The following C9orf43 variants were observed in gnomAD, a reference collection of about 807,000 sequenced individuals.
C9orf43 encodes chromosome 9 open reading frame 43.
C9orf43 carries 45 observed loss-of-function variants against 59.1 expected under a neutral mutation model. That is an observed-to-expected ratio of 0.76 (90% CI 0.60 to 0.98). The LOEUF is 0.98. Ranked by LOEUF, C9orf43 falls within the 50% of genes least tolerant of loss-of-function variation. The pLI, the probability that C9orf43 is intolerant of heterozygous loss-of-function variation, is 0.00. For synonymous variants in C9orf43, 203 were observed against 196.8 expected, an observed-to-expected ratio of 1.03 and a Z score of -0.26; for missense variants, 533 against 554.9, an observed-to-expected ratio of 0.96 and a Z score of 0.40.
At position 113,419,232 on chromosome 9, in the gene C9orf43, G is replaced by A. The variant is rs1229669508; in HGVS notation, c.345+67G>A. 7.3e-6 allele frequency: 9 copies of A among 1,232,254 alleles called. No homozygotes were observed. In the African/African-American group the frequency reaches 1.4e-4, roughly 19 times the overall value. 76.3% of individuals were successfully genotyped at this position (1,232,254 alleles called of 1,614,324 possible). ...TTTACTAGTGGAAATAAACTATTCT[G>A]CCTTTATTTGAAATTATTCCTCAGG... On this transcript the variant is annotated intron_variant, in intron 4 of 13. Transcript: ENST00000374165.
At chr9:113,424,948 T>C in intron 8 of C9orf43, 71 bp from the exon 9 acceptor site, 1 of 1,344,096 alleles carries the variant, frequency 7.4e-7, no homozygotes, top group Non-Finnish European at 1.0e-6. Flanking sequence ...AATAAACGCA[T>C]TTGGGGGATA....
At chr9:113,414,719 C>T (rs1036000144) in intron 3 of C9orf43, among the ~76,000 whole-genome samples, 4 of 152,128 alleles carry the variant, frequency 2.6e-5, no homozygotes, top group Non-Finnish European at 5.9e-5. Context: ...TTTAAAAAAC[C>T]ATATCTCCAA....
intron 1 of C9orf43, among the ~76,000 whole-genome samples, chr9:113,411,655 C>T (rs1273633607): frequency 6.6e-6 from 1 of 152,044 alleles, no homozygotes; most frequent in Non-Finnish European, 1.5e-5. Context: ...TAGAAATTCT[C>T]ACTCCCACTG....
intron 3 of C9orf43, among the ~76,000 whole-genome samples, chr9:113,417,198 G>A (rs1828391973): frequency 6.6e-6 from 1 of 152,172 alleles, no homozygotes; most frequent in Non-Finnish European, 1.5e-5. Flanking sequence ...AACATAATAA[G>A]TATTTGTTGA....
At position 113,410,947 on chromosome 9, in the gene C9orf43, A is replaced by G. The variant is rs548656307; in HGVS notation, c.-104A>G. ...GAGTGGGCAGTCTTTTTCCATCTCTACCGAAGTTGATGTTCATTTTTAATC... is the reference window on the plus strand; with the variant it reads ...GAGTGGGCAGTCTTTTTCCATCTCTGCCGAAGTTGATGTTCATTTTTAATC... On this transcript the variant is annotated 5_prime_UTR_variant, in exon 1 of 14. Transcript: ENST00000374165. The G allele has an allele frequency of 2.1e-5, 21 of 986,158 alleles. No homozygotes were observed. The highest frequency in any genetic ancestry group is 2.4e-5 in the Non-Finnish European group (20 of 830,408). The allele number at this position is 986,158 out of a possible 1,614,324, so 61.1% of individuals were successfully genotyped here. A position where few individuals can be genotyped will look rare whatever the true frequency, so the allele number is the denominator to read the frequency against.
chr9:113,429,226 A>G lies in C9orf43; in HGVS notation c.1226A>G (p.Asp409Gly), dbSNP rs1828898239. Reference sequence around the variant, plus strand: ...AACAAGGACATTAGTGCTCCAGTGGACGCTGTGCCAGAAGCCCAGGCTGCC... The same window carrying G: ...AACAAGGACATTAGTGCTCCAGTGGGCGCTGTGCCAGAAGCCCAGGCTGCC... ...PTNKDISAPV[D>G]AVPEAQAARQ... is the part of the protein sequence containing the mutation. The change falls in exon 14 of 14, where the codon GAC becomes GGC. Residue 409 changes from aspartate (D) to glycine (G), a missense_variant. By Grantham distance (94) the Asp-to-Gly change is moderately conservative (BLOSUM62 -1). Transcript: ENST00000374165. 4.3e-6 allele frequency: 7 copies of G among 1,614,060 alleles called. No individual in the cohort carries two copies. The highest frequency in any genetic ancestry group is 5.1e-6 in the Non-Finnish European group (6 of 1,180,032).
At chr9:113,428,546 C>G (rs1311972870) in intron 12 of C9orf43, among the ~76,000 whole-genome samples, 10 of 152,182 alleles carry the variant, frequency 6.6e-5, no homozygotes, top group Non-Finnish European at 1.0e-4. Context: ...GCCACATTTT[C>G]TTGGCCAAAG....
chr9:113,425,234 T>C, intron 9 of C9orf43, 110 bp from the exon 10 acceptor site: 1 of 1,533,506 alleles, frequency 6.5e-7, no homozygotes, highest in Non-Finnish European at 9.0e-7. Flanking sequence ...GCAGCCCCTC[T>C]GGCTTGGTCC....
chr9:113,422,992 G>A (rs1048005649), intron 6 of C9orf43, among the ~76,000 whole-genome samples: 1 of 152,206 alleles, frequency 6.6e-6, no homozygotes, highest in African/African-American at 2.4e-5. Context: ...GTCCATGAGA[G>A]TAGTGTCTTG....
At chr9:113,416,416 T>A (rs934936695) in intron 3 of C9orf43, among the ~76,000 whole-genome samples, 3 of 152,204 alleles carry the variant, frequency 2.0e-5, no homozygotes, top group Non-Finnish European at 4.4e-5. Context: ...GTGAGACTGG[T>A]TTTCTGATTG....
At position 113,425,280 on chromosome 9, in the gene C9orf43, C is replaced by T. The variant is rs1000055043; in HGVS notation, c.866-64C>T. 1.9e-6 allele frequency: 3 copies of T among 1,599,522 alleles called. No individual in the cohort carries two copies. The African/African-American group carries it at 4.0e-5, about 21-fold the overall frequency. Reference sequence around the variant, plus strand: ...GTCACCATTGTGAAGGAAGGCACAGCAGGCATTCCAGTGGGAGAGAGGGGG... The same window carrying T: ...GTCACCATTGTGAAGGAAGGCACAGTAGGCATTCCAGTGGGAGAGAGGGGG... On this transcript the variant is annotated intron_variant, in intron 9 of 13. Coordinates refer to ENST00000374165, the MANE Select transcript of C9orf43 (RefSeq NM_001278629.2).
chr9:113,412,991 A>G (rs1240446300), intron 1 of C9orf43, among the ~76,000 whole-genome samples: 2 of 152,252 alleles, frequency 1.3e-5, no homozygotes, highest in Non-Finnish European at 2.9e-5. Context: ...CACTTCTGTG[A>G]CTACTTTGGT....
intron 3 of C9orf43, among the ~76,000 whole-genome samples, chr9:113,418,377 T>C (rs946299754): frequency 6.6e-6 from 1 of 152,246 alleles, no homozygotes. Flanking sequence ...AGTGTTGTAG[T>C]ATATACTGTA....
chr9:113,429,155 A>C lies in C9orf43; in HGVS notation c.1172-17A>C. 1 of 1,611,312 alleles carries C rather than the reference A, an allele frequency of 6.2e-7. No homozygotes were observed. The stretch of plus-strand genomic sequence containing the variant: ...GAGGAGTTTACAGGTGCAATTAATG[A>C]CTGCATCTTCTTTTAGGTCCTGAAT... On this transcript the variant is annotated splice_polypyrimidine_tract_variant and intron_variant, in intron 13 of 13. Transcript: ENST00000374165.
At chr9:113,425,536 T>G (rs1000105441) in intron 10 of C9orf43, 107 bp from the exon 11 acceptor site, 1 of 1,481,910 alleles carries the variant, frequency 6.7e-7, no homozygotes, top group Non-Finnish European at 9.2e-7. Flanking sequence ...GATAAAAAGT[T>G]CTTGTCTGGT....
In C9orf43 at chr9:113,413,509, G is replaced by A. The variant is rs1315083717; in HGVS notation, c.16G>A (p.Glu6Lys). The A allele has an allele frequency of 6.2e-7, 1 of 1,613,490 alleles. No individual in the cohort carries two copies. Among genetic ancestry groups the A allele is most frequent in the Non-Finnish European group, 8.5e-7 (1 of 1,179,432 alleles). The change falls in exon 2 of 14, where the codon GAG becomes AAG. Residue 6 changes from glutamate (E) to lysine (K), a missense_variant. Glu to Lys is a moderately conservative substitution (Grantham distance 56). Coordinates refer to ENST00000374165, the MANE Select transcript of C9orf43 (RefSeq NM_001278629.2). ...ATTTCTAGCTATGGACTTGCCAGAT[G>A]AGAGCCAGTGGGACGAAACCACCTG... MDLPD[E>K]SQWDETTCGL...
Position 113,429,175 on chromosome 9 carries a change from C to T in C9orf43, c.1175C>T (p.Pro392Leu). ...TAATGACTGCATCTTCTTTTAGGTC[C>T]TGAATTGTATGAAACAGAACCCACT... ...HADFHHSVKSPELYETEPTNK... is the reference protein window; with the variant it reads ...HADFHHSVKSLELYETEPTNK... The change falls in exon 14 of 14, where the codon CCT (proline) becomes CTT (leucine). Residue 392 changes from proline to leucine, a missense_variant. Pro to Leu is a moderately conservative substitution (Grantham distance 98). Coordinates refer to ENST00000374165, the MANE Select transcript of C9orf43 (RefSeq NM_001278629.2). 1 of 1,613,908 alleles carries T rather than the reference C, an allele frequency of 6.2e-7. No individual in the cohort carries two copies. The highest frequency in any genetic ancestry group is 8.5e-7 in the Non-Finnish European group (1 of 1,179,852).
intron 7 of C9orf43, 43 bp downstream of exon 7, chr9:113,423,541 T>C (rs199740787): frequency 7.6e-6 from 12 of 1,583,002 alleles, no homozygotes; most frequent in Non-Finnish European, 1.0e-5. Context: ...AGCACCTGCT[T>C]TTTACTGAAG....
chr9:113,412,483 G>C (rs1828207200), intron 1 of C9orf43, among the ~76,000 whole-genome samples: 1 of 152,152 alleles, frequency 6.6e-6, no homozygotes. Flanking sequence ...CAATAAATGT[G>C]TTGAATAAAA....
Sources: allele counts gnomAD v4.1 joint callset (sites outside exome capture counted in the v4.1 genomes callset), GRCh38; gene constraint gnomAD v4.1.1; transcripts MANE v1.5; gene names NCBI Gene and HGNC (gene_info 2026-07-23, HGNC 2026-07-21).